FAN1: variants seen among roughly 807,000 people sequenced by gnomAD.
FAN1 encodes FANCD2 and FANCI associated nuclease 1.
Under a neutral mutation model 104.9 loss-of-function variants are expected in FAN1, and 91 were observed. The observed-to-expected ratio is 0.87, with a 90% confidence interval of 0.73 to 1.03. The LOEUF (loss-of-function observed/expected upper bound fraction) is 1.03. FAN1 is among the 50% of genes least tolerant of loss of function. The pLI is 0.00. For synonymous variants in FAN1, 478 were observed against 457.6 expected, an observed-to-expected ratio of 1.04 and a Z score of -0.57; for missense variants, 1,263 against 1,239.9, an observed-to-expected ratio of 1.02 and a Z score of -0.28.
At position 30,911,291 on chromosome 15, in the gene FAN1, C is replaced by T. The variant is rs138151213; in HGVS notation, c.1577+476C>T. The T allele has an allele frequency of 3.0e-3, 2,958 of 986,332 alleles. 7 individuals are homozygous for T. The highest frequency in any genetic ancestry group is 3.3e-3 in the Non-Finnish European group (2,746 of 830,560). The allele number at this position is 986,332 out of a possible 1,614,324, so 61.1% of individuals were successfully genotyped here. ...CTTGACCTGTTTCAGTTGAAAATTA[C>T]AAAAACTTTTAGAATTGATTTCTTT... On this transcript the variant is annotated intron_variant, in intron 4 of 14. Coordinates refer to ENST00000362065, the MANE Select transcript of FAN1 (RefSeq NM_014967.5).
chr15:30,927,690 C>T (rs2062499923), intron 10 of FAN1: 5 of 985,636 alleles, frequency 5.1e-6, no homozygotes, highest in Non-Finnish European at 6.0e-6. Flanking sequence ...TCAGCACCTC[C>T]TCTGGCCAGT....
intron 2 of FAN1, among the ~76,000 whole-genome samples, chr15:30,907,542 AC>A (rs1396209689): frequency 1.3e-5 from 2 of 151,966 alleles, no homozygotes; most frequent in African/African-American, 4.8e-5. Context: ...CAAAAACAAA[AC>A]AAAAAAACAA....
intron 10 of FAN1, chr15:30,927,305 C>G: frequency 1.0e-6 from 1 of 985,482 alleles, no homozygotes; most frequent in South Asian, 4.7e-5. Flanking sequence ...GACTGGAAAT[C>G]AGGTCCTAGC....
At position 30,922,351 on chromosome 15, in the gene FAN1, A is replaced by G. The variant is rs2062354588; in HGVS notation, c.2169A>G (p.Glu723=). 1 of 1,599,986 alleles carries G rather than the reference A, an allele frequency of 6.3e-7. No individual in the cohort carries two copies. Among genetic ancestry groups the G allele is most frequent in the African/African-American group, 1.4e-5 (1 of 73,804 alleles). Residue 723 remains glutamate (E), a synonymous_variant, in exon 8 of 15, where the codon GAA becomes GAG. Transcript: ENST00000362065. ...TACACCAGCACTTGAAGCGCCTGGA[A>G]CCGGTACTCAGTAACAAAACATATC... ...LNLHQHLKRL[E]PTIKCITEGL...
intron 13 of FAN1, among the ~76,000 whole-genome samples, chr15:30,933,301 C>T (rs1328677690): frequency 6.6e-6 from 1 of 152,128 alleles, no homozygotes; most frequent in Non-Finnish European, 1.5e-5. Context: ...TTATCTGAAC[C>T]TCACAAATTT....
intron 14 of FAN1, chr15:30,939,992 A>G: frequency 2.0e-6 from 2 of 977,912 alleles, no homozygotes; most frequent in Non-Finnish European, 2.4e-6. Flanking sequence ...TTTAAAAGGC[A>G]AATAATTCAA....
At chr15:30,939,122 A>G (rs2062952611) in intron 14 of FAN1, 3 of 985,376 alleles carry the variant, frequency 3.0e-6, no homozygotes, top group African/African-American at 1.7e-5. Flanking sequence ...TACTGCAGCA[A>G]GCAGATTTTG....
intron 10 of FAN1, chr15:30,928,268 TC>T: frequency 5.8e-6 from 7 of 1,202,946 alleles, no homozygotes; most frequent in Non-Finnish European, 5.2e-6. Context: ...CTTAGGTTAT[TC>T]ACTAAAGTTT....
At chr15:30,925,705 G>A in intron 9 of FAN1, 84 bp from the exon 10 acceptor site, 11 of 1,476,816 alleles carry the variant, frequency 7.4e-6, no homozygotes, top group Non-Finnish European at 1.0e-5. Context: ...GGTAAGGGAG[G>A]TCAATCCTCA....
At chr15:30,932,804 C>T (rs147214080) in intron 13 of FAN1, among the ~76,000 whole-genome samples, 155 of 150,576 alleles carry the variant, frequency 1.0e-3, no homozygotes, top group Admixed American at 3.4e-3. Context: ...CTTCCGCCTC[C>T]TGGGTTCAAG....
At chr15:30,936,657 TG>T (rs202011721) in intron 13 of FAN1, among the ~76,000 whole-genome samples, 353 of 85,322 alleles carry the variant, frequency 4.1e-3, no homozygotes, top group Non-Finnish European at 6.1e-3. Flanking sequence ...CTGAAAATAT[TG>T]TTAAGTTGAA....
intron 4 of FAN1, 30 bp from the exon 5 acceptor site, chr15:30,913,828 A>G (rs1291344220): frequency 6.9e-7 from 1 of 1,445,738 alleles, no homozygotes; most frequent in East Asian, 2.3e-5. Flanking sequence ...TAAAAAGCTA[A>G]AAGTTATTTC....
intron 13 of FAN1, among the ~76,000 whole-genome samples, chr15:30,932,031 G>A (rs932688447): frequency 1.3e-5 from 2 of 151,624 alleles, no homozygotes; most frequent in Non-Finnish European, 2.9e-5. Context: ...GACCATCCTG[G>A]CTAACATGGT....
intron 13 of FAN1, among the ~76,000 whole-genome samples, chr15:30,933,764 T>C (rs1049968804): frequency 4.4e-5 from 6 of 137,590 alleles, no homozygotes; most frequent in African/African-American, 1.9e-4. Context: ...TTTTTTTTTT[T>C]GTTTTTGTTT....
At chr15:30,922,868 A>G (rs981350282) in intron 8 of FAN1, among the ~76,000 whole-genome samples, 1 of 152,268 alleles carries the variant, frequency 6.6e-6, no homozygotes, top group African/African-American at 2.4e-5. Flanking sequence ...GACCTTGAGC[A>G]GGCACCAGTG....
chr15:30,920,669 C>G lies in FAN1; in HGVS notation c.2052+16C>G, dbSNP rs186701091. 321 of 1,454,864 alleles carry G rather than the reference C, an allele frequency of 2.2e-4. 1 individual carries two copies. The African/African-American group carries it at 4.0e-3, about 18-fold the overall frequency. 90.1% of individuals were successfully genotyped at this position (1,454,864 alleles called of 1,614,324 possible). A position where few individuals can be genotyped will look rare whatever the true frequency, so the allele number is the denominator to read the frequency against. The stretch of plus-strand genomic sequence containing the variant: ...CATGTATGAGGTTAGAGCACAGGTC[C>G]CTGCCCCCCACCATTACTGATGTGA... On this transcript the variant is annotated intron_variant, in intron 7 of 14. Coordinates refer to ENST00000362065, the MANE Select transcript of FAN1 (RefSeq NM_014967.5).
At chr15:30,938,327 G>A (rs2062925682) in intron 14 of FAN1, among the ~76,000 whole-genome samples, 1 of 152,048 alleles carries the variant, frequency 6.6e-6, no homozygotes, top group South Asian at 2.1e-4. Flanking sequence ...ATCTAAGAAG[G>A]GCTGAAACAG....
In FAN1 at chr15:30,905,642, G is replaced by A; in HGVS notation, c.979G>A (p.Ala327Thr). ...SDSEAKSHSS[A>T]DDASAWSNIQ... ...TTCAGAGGCAAAATCTCATAGTTCT[G>A]CAGATGATGCTTCTGCATGGAGTAA... The change falls in exon 2 of 15, where the codon GCA becomes ACA. Residue 327 changes from alanine (A) to threonine (T), a missense_variant. Transcript: ENST00000362065. The A allele has an allele frequency of 6.2e-7, 1 of 1,614,126 alleles. No individual in the cohort carries two copies. Among genetic ancestry groups the A allele is most frequent in the Non-Finnish European group, 8.5e-7 (1 of 1,179,982 alleles).
rs1201019054 is a variant in FAN1 at position 30,941,855 on chromosome 15, G to C, written c.*293G>C. ...TTTCCACAGTTTTATGTGTGTTCCA[G>C]AGACACGTGGCAGAATAACACCGTG... On this transcript the variant is annotated 3_prime_UTR_variant, in exon 15 of 15. Transcript: ENST00000362065. 3 of 1,613,932 alleles carry C rather than the reference G, an allele frequency of 1.9e-6. No homozygotes were observed. The African/African-American group carries it at 4.0e-5, about 22-fold the overall frequency.
Sources: gnomAD v4.1 joint callset for allele counts (sites outside exome capture counted in the v4.1 genomes callset) on GRCh38, gnomAD v4.1.1 for gene constraint, MANE v1.5 for transcripts, NCBI Gene and HGNC (gene_info 2026-07-23, HGNC 2026-07-21) for gene names.